PYGL: variants seen among roughly 807,000 people sequenced by gnomAD.
PYGL encodes glycogen phosphorylase L, also known as glycogen phosphorylase, liver form.
In PYGL, 90 loss-of-function variants were observed where a neutral mutation model predicts 100.1. The observed-to-expected ratio is 0.90, with a 90% CI of 0.76 to 1.07. The LOEUF (loss-of-function observed/expected upper bound fraction) is 1.07, where lower values mean the gene tolerates loss of function less well. Among genes scored for constraint, PYGL ranks in the 50% least tolerant of loss-of-function variants. The pLI, the probability that PYGL is intolerant of heterozygous loss-of-function variation, is 0.00. For missense variants in PYGL, 1,016 were observed against 1,057.6 expected, an observed-to-expected ratio of 0.96 and a Z score of 0.55; for synonymous variants, 373 against 393.0, an observed-to-expected ratio of 0.95 and a Z score of 0.60.
rs1195898364 is a variant in PYGL, at chr14:50,942,382, T to C, written c.243+1779A>G. On this transcript the variant is annotated intron_variant, in intron 1 of 19. Coordinates refer to ENST00000216392, the MANE Select transcript of PYGL (RefSeq NM_002863.5). ...ACATACAAGATTCTCTGGTGCTCTA[T>C]GATGCTAAATGCTACAGAGGCGTGA... is the stretch of plus-strand genomic sequence containing the variant. Among the ~76,000 whole-genome samples the C allele has an allele frequency of 2.1e-5, 3 of 140,286 alleles. 1 individual carries two copies. The highest frequency in any genetic ancestry group is 7.4e-5 in the African/African-American group (3 of 40,456). 92.0% of individuals were successfully genotyped at this position (140,286 alleles called of 152,430 possible).
intron 4 of PYGL, among the ~76,000 whole-genome samples, chr14:50,924,361 G>C (rs1436116721): frequency 1.3e-5 from 2 of 152,176 alleles, no homozygotes; most frequent in African/African-American, 4.8e-5. Flanking sequence ...GTAAACGGTA[G>C]AGATAAGATC....
intron 1 of PYGL, among the ~76,000 whole-genome samples, chr14:50,943,487 G>T (rs1276843419): frequency 6.6e-6 from 1 of 152,240 alleles, no homozygotes; most frequent in Admixed American, 6.5e-5. Flanking sequence ...TCGGGGGAGT[G>T]TGTGTCTTCG....
At chr14:50,912,527 G>GA in intron 13 of PYGL, 1 of 570,616 alleles carries the variant, frequency 1.8e-6, no homozygotes, top group Admixed American at 3.0e-5. Context: ...ATTTTTAGTA[G>GA]AGACGGGGTT....
At position 50,937,739 on chromosome 14, in the gene PYGL, G is replaced by A. The variant is rs2050666901; in HGVS notation, c.342C>T (p.Tyr114=). The change falls in exon 2 of 20, where the codon TAC becomes TAT. Residue 114 remains tyrosine, a synonymous_variant. Transcript: ENST00000216392. ...GLQNACDEAI[Y]QLGLDIEELE... ...GAGAAATCTAGGAACAATGTACCTG[G>A]TAAATGGCCTCATCACAGGCATTTT... 5 of 1,610,578 alleles carry A rather than the reference G, an allele frequency of 3.1e-6. No homozygotes were observed. In the African/African-American group the frequency reaches 4.0e-5, roughly 13 times the overall value.
At chr14:50,927,889 T>C (rs998338766) in intron 4 of PYGL, among the ~76,000 whole-genome samples, 2 of 152,144 alleles carry the variant, frequency 1.3e-5, no homozygotes, top group Non-Finnish European at 2.9e-5. Flanking sequence ...TTCCAATGAA[T>C]TGACAAATTG....
At chr14:50,916,780 G>GT in intron 8 of PYGL, 46 bp from the exon 9 acceptor site, 1 of 1,582,726 alleles carries the variant, frequency 6.3e-7, no homozygotes, top group Non-Finnish European at 8.7e-7. Context: ...ATGGCTCAGG[G>GT]TCTGGCTTCT....
intron 19 of PYGL, among the ~76,000 whole-genome samples, chr14:50,907,763 T>G (rs925478265): frequency 1.4e-4 from 21 of 152,254 alleles, no homozygotes; most frequent in African/African-American, 3.9e-4. Flanking sequence ...AATTTACAAC[T>G]GGCTGGGCAT....
Position 50,944,169 on chromosome 14 carries a change from A to T in PYGL, c.235T>A (p.Cys79Ser), listed in dbSNP as rs1374014307. ...IRTQQHYYDK[C>S]PKRVYYLSLE... ...GTCCCGCCCCCGGTTACCTTGGGGC[A>T]CTTGTCGTAGTAGTGCTGCTGCGTG... Residue 79 changes from cysteine (C) to serine (S), a missense_variant, in exon 1 of 20, where the codon TGC (cysteine) becomes AGC (serine). Transcript: ENST00000216392. 6.2e-7 allele frequency: 1 copy of T among 1,605,776 alleles called. No homozygotes were observed. Among genetic ancestry groups the T allele is most frequent in the East Asian group, 2.2e-5 (1 of 44,760 alleles).
intron 1 of PYGL, 63 bp from the exon 2 acceptor site, chr14:50,937,900 C>T (rs1376707587): frequency 1.4e-6 from 2 of 1,420,874 alleles, no homozygotes; most frequent in South Asian, 1.1e-5. Context: ...AACATAAAAA[C>T]ACAAGGTCAT....
intron 19 of PYGL, among the ~76,000 whole-genome samples, chr14:50,906,068 C>T (rs796295567): frequency 2.0e-5 from 3 of 152,262 alleles, no homozygotes; most frequent in Admixed American, 6.5e-5. Flanking sequence ...TCTGAAGATA[C>T]GCACCCTAGT....
intron 1 of PYGL, among the ~76,000 whole-genome samples, chr14:50,938,567 T>A (rs535774464): frequency 6.6e-6 from 1 of 152,312 alleles, no homozygotes; most frequent in East Asian, 1.9e-4. Flanking sequence ...TGCCTCAAAT[T>A]CTTGTGCGAG....
At chr14:50,917,582 C>T (rs1054421788) in intron 7 of PYGL, among the ~76,000 whole-genome samples, 2 of 152,238 alleles carry the variant, frequency 1.3e-5, no homozygotes, top group Admixed American at 1.3e-4. Context: ...ATCCCCAGTT[C>T]CTGCAGCTGA....
chr14:50,907,204 C>G (rs1360572808), intron 19 of PYGL, among the ~76,000 whole-genome samples: 3 of 151,834 alleles, frequency 2.0e-5, no homozygotes, highest in African/African-American at 7.3e-5. Context: ...CTTTTTTTTC[C>G]CCTCAGTATA....
chr14:50,917,513 C>T (rs2139174837), intron 7 of PYGL, among the ~76,000 whole-genome samples: 1 of 152,286 alleles, frequency 6.6e-6, no homozygotes, highest in East Asian at 1.9e-4. Context: ...TACTGGGAAG[C>T]AGGGAAGAAG....
intron 2 of PYGL, 135 bp downstream of exon 2, chr14:50,937,601 T>C: frequency 1.2e-6 from 1 of 806,002 alleles, no homozygotes; most frequent in Non-Finnish European, 2.1e-6. Flanking sequence ...TTTCTAAAAG[T>C]TTGTAATAGC....
At chr14:50,935,927 T>A (rs2050650342) in intron 2 of PYGL, among the ~76,000 whole-genome samples, 1 of 152,206 alleles carries the variant, frequency 6.6e-6, no homozygotes, top group South Asian at 2.1e-4. Flanking sequence ...GATAAGAAGC[T>A]GTGGGAAGCC....
chr14:50,939,282 C>A (rs1031678663), intron 1 of PYGL, among the ~76,000 whole-genome samples: 1 of 152,220 alleles, frequency 6.6e-6, no homozygotes, highest in Non-Finnish European at 1.5e-5. Flanking sequence ...GGTGATCTGC[C>A]TGCCTTGGCC....
At chr14:50,921,850 G>T (rs1236195874) in intron 5 of PYGL, among the ~76,000 whole-genome samples, 1 of 152,192 alleles carries the variant, frequency 6.6e-6, no homozygotes, top group African/African-American at 2.4e-5. Flanking sequence ...AAAGTAAATG[G>T]AATAGGAAAT....
In PYGL at chr14:50,924,196, T is replaced by C; in HGVS notation, c.529-96A>G. The C allele has an allele frequency of 2.1e-6, 3 of 1,409,042 alleles. No homozygotes were observed. The Admixed American group carries it at 5.5e-5, about 26-fold the overall frequency. The allele number at this position is 1,409,042 out of a possible 1,614,324, so 87.3% of individuals were successfully genotyped here. ...ATATTAAATTTAAAACATCTTTAACTGAAACAACTTATGAATACTGAGTAC... is the reference window on the plus strand; with the variant it reads ...ATATTAAATTTAAAACATCTTTAACCGAAACAACTTATGAATACTGAGTAC... On this transcript the variant is annotated intron_variant, in intron 4 of 19. Coordinates refer to ENST00000216392, the MANE Select transcript of PYGL (RefSeq NM_002863.5).
Sources: allele counts gnomAD v4.1 joint callset (sites outside exome capture counted in the v4.1 genomes callset), GRCh38; gene constraint gnomAD v4.1.1; transcripts MANE v1.5; gene names NCBI Gene and HGNC (gene_info 2026-07-23, HGNC 2026-07-21).